Variants in CHI3L2 observed in about 807,000 individuals in gnomAD.
CHI3L2 encodes the protein chitinase-3-like protein 2.
In CHI3L2, 47 loss-of-function variants were observed where a neutral mutation model predicts 47.3. The observed-to-expected ratio is 0.99, with a 90% CI of 0.79 to 1.27. The LOEUF is 1.27. Ranked by LOEUF, CHI3L2 falls within the 50% of genes most tolerant of loss-of-function variation. CHI3L2 has a pLI of 0.00. For missense variants in CHI3L2, 497 were observed against 462.1 expected (o/e 1.08, Z -0.69); for synonymous variants, 198 against 169.9 (o/e 1.17, Z -1.28).
At chr1:111,237,139 A>G (rs752916876) in intron 7 of CHI3L2, among the ~76,000 whole-genome samples, 9 of 152,228 alleles carry the variant, frequency 5.9e-5, no homozygotes, top group Non-Finnish European at 1.3e-4. Context: ...CTTTGGCCGC[A>G]TGACTCCTAA....
chr1:111,238,997 T>C (rs535477787), intron 8 of CHI3L2, 65 bp downstream of exon 8: 2 of 1,455,712 alleles, frequency 1.4e-6, no homozygotes, highest in African/African-American at 1.4e-5. Flanking sequence ...CATCTTCAAT[T>C]TGACAGCAGA....
At chr1:111,229,808 C>G in intron 1 of CHI3L2, 44 bp from the exon 2 acceptor site, 1 of 1,612,204 alleles carries the variant, frequency 6.2e-7, no homozygotes, top group Non-Finnish European at 8.5e-7. Flanking sequence ...ACAGCAGAAC[C>G]AGGTTTGGCT....
At position 111,235,737 on chromosome 1, in the gene CHI3L2, C is replaced by G. The variant is rs1659865458; in HGVS notation, c.579C>G (p.Asn193Lys). 6.2e-7 allele frequency: 1 copy of G among 1,613,932 alleles called. No homozygotes were observed. Among genetic ancestry groups the G allele is most frequent in the South Asian group, 1.1e-5 (1 of 91,056 alleles). The stretch of plus-strand genomic sequence containing the variant: ...CTGCAGGGAGGCAAATGATTGATAA[C>G]AGCTATCAAGTTGAGAAACTGGCAA... ...GVSAGRQMID[N>K]SYQVEKLAKD... The change falls in exon 6 of 11, where the codon AAC becomes AAG. Residue 193 changes from asparagine (N) to lysine (K), a missense_variant. Physicochemically the swap from Asn to Lys is moderately conservative, Grantham distance 94. Coordinates refer to ENST00000369748, the MANE Select transcript of CHI3L2 (RefSeq NM_004000.3).
At chr1:111,238,632 C>T (rs1238533955) in intron 7 of CHI3L2, 118 bp from the exon 8 acceptor site, 3 of 1,044,694 alleles carry the variant, frequency 2.9e-6, no homozygotes, top group Non-Finnish European at 4.3e-6. Flanking sequence ...TCTGTTCACA[C>T]TCGGATGTAG....
chr1:111,230,906 G>C lies in CHI3L2; in HGVS notation c.235G>C (p.Val79Leu). ...GGTTATCATCAAGGACAAGAGTGAA[G>C]TGATGCTCTACCAGACCATCAACAG... is the stretch of plus-strand genomic sequence containing the variant. ...NKVIIKDKSE[V>L]MLYQTINSLK... The change falls in exon 3 of 11, where the codon GTG becomes CTG. Residue 79 changes from valine to leucine, a missense_variant. Coordinates refer to ENST00000369748, the MANE Select transcript of CHI3L2 (RefSeq NM_004000.3). 6.2e-7 allele frequency: 1 copy of C among 1,614,174 alleles called. No homozygotes were observed. The highest frequency in any genetic ancestry group is 2.2e-5 in the East Asian group (1 of 44,888).
intron 1 of CHI3L2, among the ~76,000 whole-genome samples, chr1:111,228,740 G>T (rs1441210388): frequency 6.6e-6 from 1 of 152,126 alleles, no homozygotes; most frequent in Non-Finnish European, 1.5e-5. Flanking sequence ...CTCCTTTTTG[G>T]CTGCCCCTTT....
At chr1:111,229,917 C>T in intron 2 of CHI3L2, 36 bp downstream of exon 2, 1 of 1,613,108 alleles carries the variant, frequency 6.2e-7, no homozygotes, top group Non-Finnish European at 8.5e-7. Context: ...CCTGGATCTC[C>T]TGGCTTGGGT....
intron 2 of CHI3L2, 74 bp from the exon 3 acceptor site, chr1:111,230,668 G>A: frequency 8.0e-7 from 1 of 1,255,284 alleles, no homozygotes. Context: ...GCTGTCTTGG[G>A]GAGAAAATTG....
At chr1:111,230,710 G>C (rs1450580466) in intron 2 of CHI3L2, 32 bp from the exon 3 acceptor site, 1 of 1,581,208 alleles carries the variant, frequency 6.3e-7, no homozygotes, top group East Asian at 2.2e-5. Flanking sequence ...AACAGCCCTA[G>C]AGTCTCACTG....
chr1:111,234,771 G>C (rs1407537133), intron 4 of CHI3L2, 136 bp from the exon 5 acceptor site: 3 of 781,350 alleles, frequency 3.8e-6, no homozygotes, highest in Non-Finnish European at 6.1e-6. Flanking sequence ...GTTCCAAAAG[G>C]GGAAAGCATT....
intron 7 of CHI3L2, 40 bp downstream of exon 7, chr1:111,236,193 G>A (rs759099443): frequency 2.5e-6 from 4 of 1,607,418 alleles, no homozygotes; most frequent in Non-Finnish European, 2.6e-6. Context: ...CTGGCTGTGG[G>A]GGTGGGGCTG....
chr1:111,227,829 C>A, intron 1 of CHI3L2, 60 bp downstream of exon 1: 2 of 1,495,176 alleles, frequency 1.3e-6, no homozygotes, highest in Non-Finnish European at 1.9e-6. Flanking sequence ...GGTAACAGGT[C>A]TGTAGAAGAA....
intron 4 of CHI3L2, among the ~76,000 whole-genome samples, chr1:111,232,726 T>C (rs550253388): frequency 3.5e-4 from 54 of 152,356 alleles, no homozygotes; most frequent in African/African-American, 1.3e-3. Flanking sequence ...TAATTATATA[T>C]GTGTAATATA....
rs41281390 is a variant in CHI3L2 at position 111,231,176 on chromosome 1, C to G, written c.273-62C>G. ...TTTCTCTACACTTAAGAACTCTGTT[C>G]TTTAGACAAAGGCTTCCCTGGCAGC... On this transcript the variant is annotated intron_variant, in intron 3 of 10. Coordinates refer to ENST00000369748, the MANE Select transcript of CHI3L2 (RefSeq NM_004000.3). The G allele has an allele frequency of 8.6e-5, 121 of 1,412,400 alleles. 1 individual carries two copies. The highest frequency in any genetic ancestry group is 1.1e-4 in the Non-Finnish European group (114 of 1,000,034). The allele number at this position is 1,412,400 out of a possible 1,614,324, so 87.5% of individuals were successfully genotyped here. A position where few individuals can be genotyped will look rare whatever the true frequency, so the allele number is the denominator to read the frequency against.
intron 4 of CHI3L2, 88 bp downstream of exon 4, chr1:111,231,382 C>T (rs1659717457): frequency 2.9e-6 from 3 of 1,050,560 alleles, no homozygotes; most frequent in Admixed American, 4.1e-5. Flanking sequence ...AGATATTAAA[C>T]TAGGCTTTAA....
chr1:111,235,531 T>C, intron 5 of CHI3L2, 108 bp from the exon 6 acceptor site: 1 of 1,273,020 alleles, frequency 7.9e-7, no homozygotes, highest in Non-Finnish European at 1.1e-6. Flanking sequence ...AAAGGGTTGA[T>C]CCTTTCCATC....
At chr1:111,238,966 G>A (rs778300632) in intron 8 of CHI3L2, 34 bp downstream of exon 8, 2 of 1,535,680 alleles carry the variant, frequency 1.3e-6, no homozygotes, top group East Asian at 2.3e-5. Flanking sequence ...TCAGCTCCCT[G>A]CCATGTCTGG....
At position 111,230,736 on chromosome 1, in the gene CHI3L2, C is replaced by A; in HGVS notation, c.71-6C>A. The A allele has an allele frequency of 6.2e-7, 1 of 1,613,760 alleles. No homozygotes were observed. Among genetic ancestry groups the A allele is most frequent in the South Asian group, 1.1e-5 (1 of 91,074 alleles). ...AGTCTCACTGGCTCTCTTCACTCTA[C>A]TCCAGGATCTGCCTACAAACTGGTT... On this transcript the variant is annotated splice_polypyrimidine_tract_variant and splice_region_variant and intron_variant, in intron 2 of 10. Transcript: ENST00000369748.
At chr1:111,233,763 G>A (rs1659796945) in intron 4 of CHI3L2, among the ~76,000 whole-genome samples, 1 of 151,862 alleles carries the variant, frequency 6.6e-6, no homozygotes, top group South Asian at 2.1e-4. Flanking sequence ...GGGAAAGGTG[G>A]GGAAAAGATT....
Sources: gnomAD v4.1 joint callset for allele counts (sites outside exome capture counted in the v4.1 genomes callset) on GRCh38, gnomAD v4.1.1 for gene constraint, MANE v1.5 for transcripts, NCBI Gene and HGNC (gene_info 2026-07-23, HGNC 2026-07-21) for gene names.